The following PTPN4 variants were observed in gnomAD, a reference collection of about 807,000 sequenced individuals.
PTPN4 encodes the protein protein tyrosine phosphatase non-receptor type 4.
In PTPN4, 49 loss-of-function variants were observed where a neutral mutation model predicts 135.5. The ratio of observed to expected loss-of-function variants is 0.36; its 90% CI spans 0.29 to 0.46. PTPN4 has a LOEUF of 0.46. Among genes scored for constraint, PTPN4 ranks in the 20% least tolerant of loss-of-function variants. The pLI is 1.00. For synonymous variants in PTPN4, 333 were observed against 369.9 expected (o/e 0.90, Z 1.14); for missense variants, 860 against 1,101.0 (o/e 0.78, Z 3.10).
chr2:119,924,118 C>CA (rs1678779839), intron 12 of PTPN4, among the ~76,000 whole-genome samples: 1 of 115,048 alleles, frequency 8.7e-6, no homozygotes, highest in Admixed American at 1.2e-4. Context: ...GCCTGGGCGA[C>CA]AGAGTGAGAC....
intron 1 of PTPN4, among the ~76,000 whole-genome samples, chr2:119,761,700 A>G (rs1690504846): frequency 6.6e-6 from 1 of 152,222 alleles, no homozygotes; most frequent in Non-Finnish European, 1.5e-5. Flanking sequence ...CCATAGTATC[A>G]TAATCTTCAG....
At chr2:119,889,850 T>C (rs1678215543) in intron 9 of PTPN4, among the ~76,000 whole-genome samples, 1 of 152,252 alleles carries the variant, frequency 6.6e-6, no homozygotes, top group African/African-American at 2.4e-5. Context: ...ATTTTTTTAT[T>C]TCCATCTTAA....
intron 26 of PTPN4, among the ~76,000 whole-genome samples, chr2:119,971,360 T>G (rs1388899650): frequency 6.6e-6 from 1 of 152,216 alleles, no homozygotes; most frequent in Non-Finnish European, 1.5e-5. Context: ...AGGCCTCTCC[T>G]CCAACACTGG....
intron 2 of PTPN4, among the ~76,000 whole-genome samples, chr2:119,823,679 G>A (rs1424169363): frequency 6.6e-6 from 1 of 152,168 alleles, no homozygotes; most frequent in Non-Finnish European, 1.5e-5. Flanking sequence ...TTCTGTGTTT[G>A]CTGAAGATTT....
intron 9 of PTPN4, among the ~76,000 whole-genome samples, chr2:119,888,769 G>C (rs1642714119): frequency 6.6e-6 from 1 of 152,032 alleles, no homozygotes; most frequent in Non-Finnish European, 1.5e-5. Flanking sequence ...TGTTCACTAG[G>C]GATATTGGCC....
At chr2:119,914,713 C>T (rs1054325388) in intron 10 of PTPN4, among the ~76,000 whole-genome samples, 1 of 152,028 alleles carries the variant, frequency 6.6e-6, no homozygotes, top group African/African-American at 2.4e-5. Context: ...TGACTTGGCT[C>T]ATATTGATTG....
rs3752865 is a variant in PTPN4, at chr2:119,882,663, T to C, written c.587+40T>C. ...GTTTTTTATTTGATAAACTTCTTAA[T>C]GGCATTCTTTCTAGAGAAATGTTTG... On this transcript the variant is annotated intron_variant, in intron 8 of 26. Transcript: ENST00000263708. 1.5e-5 allele frequency: 22 copies of C among 1,423,290 alleles called. 1 individual carries two copies. The South Asian group carries it at 2.9e-4, about 19-fold the overall frequency. The allele number at this position is 1,423,290 out of a possible 1,614,324, so 88.2% of individuals were successfully genotyped here.
chr2:119,829,634 G>A (rs114657672), intron 2 of PTPN4, among the ~76,000 whole-genome samples: 2,196 of 152,294 alleles, frequency 0.014, 48 homozygotes, highest in African/African-American at 0.05. Context: ...GAAGCATGTA[G>A]CATGTATCAG....
chr2:119,935,098 C>A, intron 15 of PTPN4, 140 bp downstream of exon 15: 3 of 994,296 alleles, frequency 3.0e-6, no homozygotes, highest in Non-Finnish European at 4.3e-6. Context: ...TGCAATTATG[C>A]TCATTTGTTC....
At chr2:119,837,043 T>C (rs1426381432) in intron 2 of PTPN4, among the ~76,000 whole-genome samples, 1 of 152,168 alleles carries the variant, frequency 6.6e-6, no homozygotes, top group African/African-American at 2.4e-5. Flanking sequence ...AAGCCCCACC[T>C]TCAAGCCAGG....
At chr2:119,865,541 A>G (rs562997388) in intron 3 of PTPN4, among the ~76,000 whole-genome samples, 5 of 152,170 alleles carry the variant, frequency 3.3e-5, no homozygotes, top group Admixed American at 2.0e-4. Flanking sequence ...TCTCTACCAT[A>G]TGATGTTGCT....
At chr2:119,792,765 C>T (rs139873431) in intron 1 of PTPN4, among the ~76,000 whole-genome samples, 2,563 of 152,112 alleles carry the variant, frequency 0.017, 42 homozygotes, top group Non-Finnish European at 0.027. Flanking sequence ...GGAAAGAGTA[C>T]AAAAGAGAGA....
intron 9 of PTPN4, among the ~76,000 whole-genome samples, chr2:119,892,888 ATTT>A (rs35557598): frequency 1.1e-4 from 16 of 140,120 alleles, no homozygotes; most frequent in Admixed American, 2.1e-4. Context: ...TGCTGGTTGA[ATTT>A]TTTTTTTTTT....
At chr2:119,787,012 C>T (rs956097799) in intron 1 of PTPN4, among the ~76,000 whole-genome samples, 2 of 152,024 alleles carry the variant, frequency 1.3e-5, no homozygotes, top group African/African-American at 2.4e-5. Context: ...ATGCAGTAGA[C>T]GTAATATGGG....
At chr2:119,847,937 C>CAGCT (rs1478960486) in intron 2 of PTPN4, among the ~76,000 whole-genome samples, 1 of 152,104 alleles carries the variant, frequency 6.6e-6, no homozygotes, top group Non-Finnish European at 1.5e-5. Context: ...TATGGCAAGT[C>CAGCT]AGCTATTCAT....
At chr2:119,851,227 C>T (rs1015802847) in intron 2 of PTPN4, among the ~76,000 whole-genome samples, 16 of 152,198 alleles carry the variant, frequency 1.1e-4, no homozygotes, top group East Asian at 9.6e-4. Flanking sequence ...GAAGGTGTCC[C>T]GAGTTACCGG....
chr2:119,783,968 T>A (rs1208369459), intron 1 of PTPN4, among the ~76,000 whole-genome samples: 1 of 152,128 alleles, frequency 6.6e-6, no homozygotes, highest in Non-Finnish European at 1.5e-5. Context: ...CGCAGATTGC[T>A]TATTCATATG....
intron 9 of PTPN4, among the ~76,000 whole-genome samples, chr2:119,898,024 G>C (rs1678349457): frequency 1.3e-5 from 2 of 152,220 alleles, no homozygotes; most frequent in Non-Finnish European, 2.9e-5. Context: ...TTTTATAGCA[G>C]TCTGACATAA....
chr2:119,847,869 TG>T (rs1348676914), intron 2 of PTPN4, among the ~76,000 whole-genome samples: 1 of 152,256 alleles, frequency 6.6e-6, no homozygotes, highest in East Asian at 1.9e-4. Context: ...TTAGTGTTTT[TG>T]CCTCTTTCAG....
Sources: gnomAD v4.1 joint callset for allele counts (sites outside exome capture counted in the v4.1 genomes callset) on GRCh38, gnomAD v4.1.1 for gene constraint, MANE v1.5 for transcripts, NCBI Gene and HGNC (gene_info 2026-07-23, HGNC 2026-07-21) for gene names.